Variants in FBRSL1 observed in about 807,000 individuals in gnomAD.
FBRSL1 encodes the protein fibrosin-1-like protein.
Under a neutral mutation model 89.6 loss-of-function variants are expected in FBRSL1, and 51 were observed. The ratio of observed to expected loss-of-function variants is 0.57; its 90% CI spans 0.45 to 0.72. The LOEUF is 0.72. Among genes scored for constraint, FBRSL1 ranks in the 30% least tolerant of loss-of-function variants. The pLI is 0.00. For synonymous variants in FBRSL1, 779 were observed against 681.1 expected (o/e 1.14, Z -2.24); for missense variants, 1,618 against 1,451.8 (o/e 1.11, Z -1.86).
At chr12:132,536,356 ATGAT>A (rs1050829653) in intron 4 of FBRSL1, among the ~76,000 whole-genome samples, 20 of 147,478 alleles carry the variant, frequency 1.4e-4, no homozygotes, top group Admixed American at 1.2e-3. Context: ...ACATGACAAT[ATGAT>A]TGTGTACATG....
intron 2 of FBRSL1, among the ~76,000 whole-genome samples, chr12:132,523,559 G>A (rs1396996309): frequency 6.6e-6 from 1 of 152,144 alleles, no homozygotes; most frequent in Non-Finnish European, 1.5e-5. Context: ...CAGCTGTGTG[G>A]GTGTTTCCGA....
chr12:132,569,871 G>T (rs3751316), intron 6 of FBRSL1, 55 bp from the exon 7 acceptor site: 1 of 1,289,814 alleles, frequency 7.8e-7, no homozygotes, highest in Non-Finnish European at 9.9e-7. Context: ...CTGGGCCACA[G>T]GAGGGGCAGG....
intron 9 of FBRSL1, 32 bp from the exon 10 acceptor site, chr12:132,572,256 C>CG: frequency 6.5e-7 from 1 of 1,546,534 alleles, no homozygotes; most frequent in Non-Finnish European, 8.7e-7. Context: ...GTCGTGTGTG[C>CG]GGGGCCTCAC....
At chr12:132,523,012 G>A (rs1402284997) in intron 2 of FBRSL1, among the ~76,000 whole-genome samples, 2 of 152,194 alleles carry the variant, frequency 1.3e-5, no homozygotes, top group African/African-American at 4.8e-5. Flanking sequence ...TCGGTTGGAC[G>A]GGTGGACAGA....
intron 2 of FBRSL1, among the ~76,000 whole-genome samples, chr12:132,517,290 G>C (rs1181054409): frequency 6.6e-6 from 1 of 152,250 alleles, no homozygotes; most frequent in Non-Finnish European, 1.5e-5. Flanking sequence ...CGCCGGCCAG[G>C]GTGCTGTTAG....
intron 2 of FBRSL1, among the ~76,000 whole-genome samples, chr12:132,521,979 G>A (rs1399552875): frequency 6.6e-6 from 1 of 152,160 alleles, no homozygotes; most frequent in Admixed American, 6.5e-5. Context: ...GGTGTGTACA[G>A]GGCCAGTGTG....
rs756100642 is a variant in FBRSL1, at chr12:132,570,262, G to A, written c.1007+21G>A. The A allele has an allele frequency of 1.2e-3, 1,855 of 1,496,394 alleles. 3 individuals are homozygous for A. The highest frequency in any genetic ancestry group is 1.4e-3 in the Non-Finnish European group (1,614 of 1,129,644). The allele number at this position is 1,496,394 out of a possible 1,614,324, so 92.7% of individuals were successfully genotyped here. On this transcript the variant is annotated intron_variant, in intron 7 of 18. Transcript: ENST00000680143. ...CTCAGGTGGGGTCCCCGCGGGGGAC[G>A]GGGCCTGTGTGGTCTCAGGATGGGG...
chr12:132,581,399 C>T (rs902597311), intron 15 of FBRSL1, 40 bp from the exon 16 acceptor site: 67 of 1,550,638 alleles, frequency 4.3e-5, no homozygotes, highest in Admixed American at 2.2e-4. Context: ...GGCCCTGGTG[C>T]TCTCTCCTGG....
chr12:132,580,314 C>T (rs1388061664), intron 15 of FBRSL1, among the ~76,000 whole-genome samples: 1 of 152,224 alleles, frequency 6.6e-6, no homozygotes, highest in Non-Finnish European at 1.5e-5. Context: ...TCTCAAACTC[C>T]TGACCTCAGA....
intron 5 of FBRSL1, among the ~76,000 whole-genome samples, chr12:132,549,357 C>T (rs955816615): frequency 1.3e-5 from 2 of 152,164 alleles, no homozygotes; most frequent in African/African-American, 4.8e-5. Context: ...AGTGGCCTCA[C>T]CCGGGACCCC....
chr12:132,522,808 C>T (rs1314863112), intron 2 of FBRSL1, among the ~76,000 whole-genome samples: 3 of 152,226 alleles, frequency 2.0e-5, no homozygotes, highest in Non-Finnish European at 2.9e-5. Flanking sequence ...CCGTTGGTGC[C>T]GTCAGTGAGC....
At chr12:132,511,334 G>C (rs1018028354) in intron 2 of FBRSL1, 15 of 985,564 alleles carry the variant, frequency 1.5e-5, no homozygotes, top group Admixed American at 6.1e-5. Flanking sequence ...GTCCCGTCTG[G>C]CTGTTGACCT....
chr12:132,542,827 G>T (rs1241404886), intron 4 of FBRSL1, among the ~76,000 whole-genome samples: 1 of 152,256 alleles, frequency 6.6e-6, no homozygotes, highest in East Asian at 1.9e-4. Context: ...GTGGGATCAG[G>T]CGGCCCCTGA....
intron 4 of FBRSL1, among the ~76,000 whole-genome samples, chr12:132,537,632 C>T (rs2036871157): frequency 6.6e-6 from 1 of 152,202 alleles, no homozygotes. Context: ...TGTATTGGGG[C>T]TGGGCAGTGC....
Position 132,559,128 on chromosome 12 carries a change from G to A in FBRSL1, c.646-8353G>A, listed in dbSNP as rs142861490. Among the ~76,000 whole-genome samples, 838 of 152,342 alleles carry A rather than the reference G, an allele frequency of 5.5e-3. 7 individuals carry two copies. Among genetic ancestry groups the A allele is most frequent in the African/African-American group, 0.019 (803 of 41,592 alleles). The stretch of plus-strand genomic sequence containing the variant: ...GCTGGGCCTCGATCCGAGTTCTAGC[G>A]CCCCACCGTAAGGGAGAGCCAGGTG... On this transcript the variant is annotated intron_variant, in intron 5 of 18. Coordinates refer to ENST00000680143, the MANE Select transcript of FBRSL1 (RefSeq NM_001367871.1).
rs551843303 is a variant in FBRSL1, at chr12:132,526,769, C to A, written c.579+946C>A. ...ATCTTTGCATCTGCCCCCCACTCCT[C>A]AGGGGGCTCTGGACCCTCCCTGTGA... On this transcript the variant is annotated intron_variant, in intron 3 of 18. Coordinates refer to ENST00000680143, the MANE Select transcript of FBRSL1 (RefSeq NM_001367871.1). 5.6e-4 allele frequency among the ~76,000 whole-genome samples: 86 copies of A among 152,280 alleles called. 2 individuals carry two copies. The East Asian group carries it at 0.016, about 28-fold the overall frequency.
intron 2 of FBRSL1, chr12:132,510,395 C>G (rs2034200324): frequency 8.1e-7 from 1 of 1,231,830 alleles, no homozygotes; most frequent in Non-Finnish European, 1.0e-6. Flanking sequence ...GGACCCGATC[C>G]TGTGCCCCCG....
At chr12:132,511,193 C>T (rs1274553698) in intron 2 of FBRSL1, 9 of 985,392 alleles carry the variant, frequency 9.1e-6, no homozygotes, top group African/African-American at 8.7e-5. Flanking sequence ...CTCCCACCCC[C>T]ACCTCTCAGG....
chr12:132,517,467 G>A (rs1424820278), intron 2 of FBRSL1, among the ~76,000 whole-genome samples: 4 of 152,074 alleles, frequency 2.6e-5, no homozygotes, highest in Non-Finnish European at 5.9e-5. Context: ...TGGTCATTCC[G>A]CCCCTGTTCT....
Sources: gnomAD v4.1 joint callset for allele counts (sites outside exome capture counted in the v4.1 genomes callset) on GRCh38, gnomAD v4.1.1 for gene constraint, MANE v1.5 for transcripts, NCBI Gene and HGNC (gene_info 2026-07-23, HGNC 2026-07-21) for gene names.